CDC42BPB: variants seen among roughly 807,000 people sequenced by gnomAD.
CDC42BPB encodes serine/threonine-protein kinase MRCK beta.
CDC42BPB carries 37 observed loss-of-function variants against 214.9 expected under a neutral mutation model. That is an observed-to-expected ratio of 0.17 (90% CI 0.13 to 0.23). The LOEUF is 0.23. CDC42BPB is among the 10% of genes least tolerant of loss of function. The pLI, the probability that CDC42BPB is intolerant of heterozygous loss-of-function variation, is 1.00. For missense variants in CDC42BPB, 1,694 were observed against 2,227.0 expected (o/e 0.76, Z 4.82); for synonymous variants, 931 against 884.0 (o/e 1.05, Z -0.94).
chr14:103,032,275 G>GC (rs1887424200), intron 1 of CDC42BPB, among the ~76,000 whole-genome samples: 1 of 152,134 alleles, frequency 6.6e-6, no homozygotes, highest in South Asian at 2.1e-4. Flanking sequence ...CCGCGTGGGT[G>GC]CACACTTGGG....
At chr14:102,954,336 C>A in intron 22 of CDC42BPB, 61 bp from the exon 23 acceptor site, 1 of 1,441,702 alleles carries the variant, frequency 6.9e-7, no homozygotes, top group Non-Finnish European at 9.2e-7. Context: ...GACACCTGGC[C>A]CTACGGGGTG....
rs10047843 is a variant in CDC42BPB at position 103,015,493 on chromosome 14, C to T, written c.176-3305G>A. Among the ~76,000 whole-genome samples the T allele has an allele frequency of 6.8e-3, 1,036 of 152,178 alleles. 11 individuals are homozygous for T. Among genetic ancestry groups the T allele is most frequent in the African/African-American group, 0.024 (990 of 41,532 alleles). On this transcript the variant is annotated intron_variant, in intron 1 of 36. Transcript: ENST00000361246. ...CAAGAGCAAAACTCCATTTCAAAAA[C>T]AGAAACAATAAACATAATTAAGACC... is the stretch of plus-strand genomic sequence containing the variant.
intron 9 of CDC42BPB, among the ~76,000 whole-genome samples, chr14:102,976,668 G>GTCAGGGAAATTTTGAGCTCC (rs1226537359): frequency 6.6e-6 from 1 of 152,212 alleles, no homozygotes; most frequent in Non-Finnish European, 1.5e-5. Flanking sequence ...TGACAATGAA[G>GTCAGGGAAATTTTGAGCTCC]TCAGGGAAAT....
intron 9 of CDC42BPB, among the ~76,000 whole-genome samples, chr14:102,977,778 T>C (rs1430147108): frequency 6.6e-6 from 1 of 152,194 alleles, no homozygotes; most frequent in Non-Finnish European, 1.5e-5. Flanking sequence ...CCCTGGCCTC[T>C]GGGAGAAATC....
chr14:103,021,005 A>C (rs1368648093), intron 1 of CDC42BPB, among the ~76,000 whole-genome samples: 1 of 152,206 alleles, frequency 6.6e-6, no homozygotes, highest in Non-Finnish European at 1.5e-5. Flanking sequence ...TCTTCCCACA[A>C]GCCCTCTTAA....
At chr14:103,021,337 G>A (rs1291014189) in intron 1 of CDC42BPB, among the ~76,000 whole-genome samples, 3 of 152,122 alleles carry the variant, frequency 2.0e-5, no homozygotes, top group African/African-American at 7.2e-5. Context: ...GTGGTGGCGG[G>A]CACCTGTAGT....
chr14:102,956,115 C>A (rs1892694722), intron 21 of CDC42BPB: 1 of 152,172 alleles, frequency 6.6e-6, no homozygotes, highest in Non-Finnish European at 1.5e-5. Flanking sequence ...CATGTAAAAG[C>A]CCCACTCGTT....
chr14:103,023,543 G>C (rs1037062409), intron 1 of CDC42BPB, among the ~76,000 whole-genome samples: 3 of 152,158 alleles, frequency 2.0e-5, no homozygotes, highest in Non-Finnish European at 4.4e-5. Context: ...CTGGGCTACA[G>C]TAATCTTCCC....
intron 18 of CDC42BPB, 122 bp from the exon 19 acceptor site, chr14:102,964,772 CTA>C: frequency 7.4e-7 from 1 of 1,345,488 alleles, no homozygotes. Context: ...GATATTAACT[CTA>C]AATTATGGAG....
At chr14:103,021,342 T>G (rs1353494689) in intron 1 of CDC42BPB, among the ~76,000 whole-genome samples, 1 of 152,136 alleles carries the variant, frequency 6.6e-6, no homozygotes, top group Non-Finnish European at 1.5e-5. Flanking sequence ...GGCGGGCACC[T>G]GTAGTCCCAG....
chr14:102,934,168 G>A (rs1321030258), intron 36 of CDC42BPB: 1 of 358,318 alleles, frequency 2.8e-6, no homozygotes, highest in African/African-American at 2.2e-5. Flanking sequence ...AGGCCAAGGT[G>A]GGTGGATCAC....
chr14:102,960,237 C>A (rs1892899124), intron 20 of CDC42BPB, among the ~76,000 whole-genome samples: 1 of 151,946 alleles, frequency 6.6e-6, no homozygotes, highest in Admixed American at 6.6e-5. Flanking sequence ...CAAAACCCCT[C>A]AAAACCACAG....
At position 102,952,607 on chromosome 14, in the gene CDC42BPB, G is replaced by A. The variant is rs1258145517; in HGVS notation, c.3067-4C>T. The A allele has an allele frequency of 3.1e-6, 5 of 1,612,556 alleles. No individual in the cohort carries two copies. The highest frequency in any genetic ancestry group is 4.2e-6 in the Non-Finnish European group (5 of 1,179,066). On this transcript the variant is annotated splice_region_variant and splice_polypyrimidine_tract_variant and intron_variant, in intron 23 of 36. Coordinates refer to ENST00000361246, the MANE Select transcript of CDC42BPB (RefSeq NM_006035.4). Reference sequence around the variant, plus strand: ...TGCTGAACTGGTGAGCTTTTGGCTGGAAGGAGAAAATCAAGAACACTGAGG... The same window carrying A: ...TGCTGAACTGGTGAGCTTTTGGCTGAAAGGAGAAAATCAAGAACACTGAGG...
At position 103,019,572 on chromosome 14, in the gene CDC42BPB, T is replaced by C. The variant is rs576562942; in HGVS notation, c.176-7384A>G. Among the ~76,000 whole-genome samples, 3 of 152,326 alleles carry C rather than the reference T, an allele frequency of 2.0e-5. 1 individual carries two copies. The highest frequency in any genetic ancestry group is 4.1e-4 in the South Asian group (2 of 4,826). ...AGCACAGCTGCCTGTGTCTATGGCA[T>C]GTGGCAACTGACATTCACGAGGAGT... On this transcript the variant is annotated intron_variant, in intron 1 of 36. Transcript: ENST00000361246.
rs566032775 is a variant in CDC42BPB at position 103,008,744 on chromosome 14, C to T, written c.268-189G>A. 5.7e-4 allele frequency: 542 copies of T among 946,112 alleles called. 3 individuals are homozygous for T. The highest frequency in any genetic ancestry group is 8.7e-4 in the African/African-American group (49 of 56,558). The allele number at this position is 946,112 out of a possible 1,614,324, so 58.6% of individuals were successfully genotyped here. ...ACCTTTTCTTCACAGAGAAAGGGAC[C>T]GGCCACGTGGGCTCCGGAGTTTCAC... is the stretch of plus-strand genomic sequence containing the variant. On this transcript the variant is annotated intron_variant, in intron 2 of 36. Transcript: ENST00000361246.
chr14:102,963,277 G>A lies in CDC42BPB; in HGVS notation c.2727-122C>T, dbSNP rs142130670. 5.5e-5 allele frequency: 77 copies of A among 1,407,854 alleles called. 1 individual carries two copies. The East Asian group carries it at 6.6e-4, about 12-fold the overall frequency. The allele number at this position is 1,407,854 out of a possible 1,614,324, so 87.2% of individuals were successfully genotyped here. ...CAGCACTCAGGACTGTCCAGAACACGGTAGCTCATGCTGGGCCTTTCTACT... is the reference window on the plus strand; with the variant it reads ...CAGCACTCAGGACTGTCCAGAACACAGTAGCTCATGCTGGGCCTTTCTACT... On this transcript the variant is annotated intron_variant, in intron 19 of 36. Coordinates refer to ENST00000361246, the MANE Select transcript of CDC42BPB (RefSeq NM_006035.4).
chr14:102,973,553 T>C (rs189326425), intron 12 of CDC42BPB, among the ~76,000 whole-genome samples: 291 of 152,238 alleles, frequency 1.9e-3, no homozygotes, highest in African/African-American at 6.7e-3. Context: ...AGAGGCCTGG[T>C]GGAGAGAAGG....
Position 102,981,895 on chromosome 14 carries a change from A to ACACACATATGCGCACG in CDC42BPB, c.892-875_892-874insCGTGCGCATATGTGTG, listed in dbSNP as rs532939206. Among the ~76,000 whole-genome samples, 248 of 152,348 alleles carry ACACACATATGCGCACG rather than the reference A, an allele frequency of 1.6e-3. 1 individual carries two copies. Among genetic ancestry groups the ACACACATATGCGCACG allele is most frequent in the African/African-American group, 5.7e-3 (236 of 41,578 alleles). On this transcript the variant is annotated intron_variant, in intron 7 of 36. Transcript: ENST00000361246. ...ATGTAACATGATGCCACGTATCTAA[A>ACACACATATGCGCACG]CACACACATGCGCACGCACACACAC...
intron 1 of CDC42BPB, among the ~76,000 whole-genome samples, chr14:103,032,664 G>T (rs1436733307): frequency 8.0e-6 from 1 of 124,648 alleles, no homozygotes; most frequent in Non-Finnish European, 1.6e-5. Flanking sequence ...ACGGAGTCTC[G>T]CTCTGTTACT....
Sources: gnomAD v4.1 joint callset for allele counts (sites outside exome capture counted in the v4.1 genomes callset) on GRCh38, gnomAD v4.1.1 for gene constraint, MANE v1.5 for transcripts, NCBI Gene and HGNC (gene_info 2026-07-23, HGNC 2026-07-21) for gene names.